The following SAC3D1 variants were observed in gnomAD, a reference collection of about 807,000 sequenced individuals.
SAC3D1 encodes SAC3 domain-containing protein 1.
Under a neutral mutation model 12.7 loss-of-function variants are expected in SAC3D1, and 10 were observed. The ratio of observed to expected loss-of-function variants is 0.79; its 90% confidence interval spans 0.49 to 1.34. SAC3D1 has a LOEUF of 1.34. Among genes scored for constraint, SAC3D1 ranks in the 40% most tolerant of loss-of-function variants. The probability of loss-of-function intolerance (pLI) is 0.00; values close to 1 mark genes in which losing one functional copy is unlikely to be tolerated. For synonymous variants in SAC3D1, 241 were observed against 250.8 expected, an observed-to-expected ratio of 0.96 and a Z score of 0.37; for missense variants, 482 against 531.1, an observed-to-expected ratio of 0.91 and a Z score of 0.91.
In SAC3D1 at chr11:65,044,671, G is replaced by C; in HGVS notation, c.1021G>C (p.Val341Leu). The change falls in exon 2 of 2, where the codon GTG becomes CTG. Residue 341 changes from valine to leucine, a missense_variant. Transcript: ENST00000652489. This position sits in a 1 kb window ranked among gnomAD's most constrained non-coding sequence, Gnocchi z 4.0. Reference sequence around the variant, plus strand: ...ACTTCGAGGACGTACCCTGGAGGAGGTGGTCATGGCAGAGGAGGAAGATGA... The same window carrying C: ...ACTTCGAGGACGTACCCTGGAGGAGCTGGTCATGGCAGAGGAGGAAGATGA... Reference protein sequence around the residue: ...SKLRGRTLEEVVMAEEEDEGT... With the variant: ...SKLRGRTLEELVMAEEEDEGT... The C allele has an allele frequency of 6.2e-7, 1 of 1,613,754 alleles. No individual in the cohort carries two copies. Among genetic ancestry groups the C allele is most frequent in the Non-Finnish European group, 8.5e-7 (1 of 1,180,028 alleles).
chr11:65,042,056 G>T, intron 1 of SAC3D1, 190 bp downstream of exon 1: 1 of 723,288 alleles, frequency 1.4e-6, no homozygotes, highest in Non-Finnish European at 1.9e-6. Flanking sequence ...AGGAATAAAA[G>T]TGGAGGGGGC....
chr11:65,041,075 T>C, upstream of SAC3D1: 1 of 593,000 alleles, frequency 1.7e-6, no homozygotes, highest in Non-Finnish European at 2.9e-6. Context: ...TACAACGCAG[T>C]GCATCTCGGG....
At chr11:65,041,046 C>T (rs1565206120), upstream of SAC3D1, 1 of 558,666 alleles carries the variant, frequency 1.8e-6, no homozygotes, top group Admixed American at 4.1e-5. Context: ...CGCGCGGAGC[C>T]GCAGAGGCGT....
chr11:65,041,879 C>A lies in SAC3D1; in HGVS notation c.574+13C>A. ...CTCTATAACCTGGGTGAGTCGGGAT[C>A]CTGGCGGCTGGGCAGAGCGTGGGGA... is the stretch of plus-strand genomic sequence containing the variant. On this transcript the variant is annotated intron_variant, in intron 1 of 1. Transcript: ENST00000652489. The A allele has an allele frequency of 7.0e-7, 1 of 1,425,714 alleles. No individual in the cohort carries two copies. Among genetic ancestry groups the A allele is most frequent in the Admixed American group, 3.1e-5 (1 of 31,848 alleles). The allele number at this position is 1,425,714 out of a possible 1,614,324, so 88.3% of individuals were successfully genotyped here. A position where few individuals can be genotyped will look rare whatever the true frequency, so the allele number is the denominator to read the frequency against.
At chr11:65,042,043 C>A (rs1946616168) in intron 1 of SAC3D1, 177 bp downstream of exon 1, 6 of 836,316 alleles carry the variant, frequency 7.2e-6, no homozygotes, top group Non-Finnish European at 8.0e-6. Flanking sequence ...TCTTAGTTGT[C>A]TCAGGAATAA....
At position 65,041,619 on chromosome 11, in the gene SAC3D1, C is replaced by G. The variant is rs1231358496; in HGVS notation, c.327C>G (p.Leu109=). ...SFVADRLRAV[L]LDLALQGAGD... The stretch of plus-strand genomic sequence containing the variant: ...TGGCAGACCGCTTGCGAGCTGTGCT[C>G]CTGGACCTGGCGCTGCAGGGAGCGG... Residue 109 remains leucine, a synonymous_variant, in exon 1 of 2, where the codon CTC becomes CTG. Transcript: ENST00000652489. 6.8e-7 allele frequency: 1 copy of G among 1,461,350 alleles called. No homozygotes were observed. Among genetic ancestry groups the G allele is most frequent in the African/African-American group, 1.5e-5 (1 of 67,986 alleles). 90.5% of individuals were successfully genotyped at this position (1,461,350 alleles called of 1,614,324 possible). A position where few individuals can be genotyped will look rare whatever the true frequency, so the allele number is the denominator to read the frequency against.
intron 1 of SAC3D1, among the ~76,000 whole-genome samples, chr11:65,042,872 C>G (rs2136953998): frequency 6.6e-6 from 1 of 151,306 alleles, no homozygotes; most frequent in East Asian, 2.0e-4. Flanking sequence ...GGGTCTCACT[C>G]TTGCCCAGGC....
intron 1 of SAC3D1, among the ~76,000 whole-genome samples, chr11:65,043,999 T>C (rs1396727317): frequency 1.3e-5 from 2 of 152,176 alleles, no homozygotes; most frequent in Non-Finnish European, 2.9e-5. Flanking sequence ...ACTTCAGTGT[T>C]GTAAGTAAGG....
intron 1 of SAC3D1, among the ~76,000 whole-genome samples, chr11:65,042,109 CTT>C (rs5792346): frequency 0.34 from 51,003 of 149,184 alleles, 9,313 homozygotes; most frequent in East Asian, 0.76. Context: ...GATTTTCAAA[CTT>C]TTTTTTTTTT....
In SAC3D1 at chr11:65,044,544, G is replaced by T. The variant is rs1946676355; in HGVS notation, c.894G>T (p.Gly298=). The T allele has an allele frequency of 1.2e-6, 2 of 1,614,186 alleles. No individual in the cohort carries two copies. Among genetic ancestry groups the T allele is most frequent in the Non-Finnish European group, 1.7e-6 (2 of 1,180,034 alleles). The change falls in exon 2 of 2, where the codon GGG becomes GGT. Residue 298 remains glycine (G), a synonymous_variant. Transcript: ENST00000652489. This position sits in a 1 kb window ranked among gnomAD's most constrained non-coding sequence, Gnocchi z 4.0. ...CACGGGACCTGTGCCAGGCCCACGG[G>T]CTGCCCTTGGACGGAGAGGAGAGAG... The part of the protein sequence containing the change: ...REARDLCQAH[G]LPLDGEERVV...
At position 65,044,770 on chromosome 11, in the gene SAC3D1, G is replaced by GC. The variant is rs776895233; in HGVS notation, c.*44dup. ...CCCAGAGCCCCAGGACTGGGCCAGAGCACTTAGGTTTCTTTTTCCATGGTT... is the reference window on the plus strand; with the variant it reads ...CCCAGAGCCCCAGGACTGGGCCAGAGCCACTTAGGTTTCTTTTTCCATGGTT... On this transcript the variant is annotated 3_prime_UTR_variant, in exon 2 of 2. Transcript: ENST00000652489. This position sits in a 1 kb window ranked among gnomAD's most constrained non-coding sequence, Gnocchi z 4.0. 35 of 1,566,730 alleles carry GC rather than the reference G, an allele frequency of 2.2e-5. No individual in the cohort carries two copies. The East Asian group carries it at 7.7e-4, about 34-fold the overall frequency.
intron 1 of SAC3D1, chr11:65,043,032 A>G (rs1373475471): frequency 1.8e-5 from 8 of 446,166 alleles, no homozygotes; most frequent in African/African-American, 2.0e-5. Context: ...TAGAGATGGG[A>G]TCTCGCATGT....
chr11:65,044,562 GGA>G lies in SAC3D1; in HGVS notation c.918_919del (p.Arg306SerfsTer43). On this transcript the variant is annotated frameshift_variant, in exon 2 of 2. Transcript: ENST00000652489. LOFTEE classifies it low-confidence loss of function (END_TRUNC). This position sits in a 1 kb window ranked among gnomAD's most constrained non-coding sequence, Gnocchi z 4.0. ...CCCACGGGCTGCCCTTGGACGGAGAGGAGAGAGTTGTGTTCCTGAGGGGTCGC... is the reference window on the plus strand; with the variant it reads ...CCCACGGGCTGCCCTTGGACGGAGAGGAGAGTTGTGTTCCTGAGGGGTCGC... Reference protein sequence around the residue: ...QAHGLPLDGEERVVFLRGRYV... With the variant: ...QAHGLPLDGEXRVVFLRGRYV... The G allele has an allele frequency of 6.2e-7, 1 of 1,614,192 alleles. No homozygotes were observed. Among genetic ancestry groups the G allele is most frequent in the South Asian group, 1.1e-5 (1 of 91,090 alleles).
Position 65,044,389 on chromosome 11 carries a change from C to G in SAC3D1, c.739C>G (p.Gln247Glu). The change falls in exon 2 of 2, where the codon CAG (glutamine) becomes GAG (glutamate). Residue 247 changes from glutamine (Q) to glutamate (E), a missense_variant. Around this residue, in one of 3 missense-constraint regions of SAC3D1, gnomAD observed 225 missense variants for 241.1 expected, o/e 0.93. Coordinates refer to ENST00000652489, the MANE Select transcript of SAC3D1 (RefSeq NM_013299.4). The surrounding 1 kb of genome is among the most constrained non-coding windows in gnomAD (Gnocchi z 4.0). ...TLPYLPSCAV[Q>E]CHVGHARREA... Reference sequence around the variant, plus strand: ...GCCCTACCTGCCAAGTTGCGCTGTGCAGTGCCATGTGGGCCATGCCCGCCG... The same window carrying G: ...GCCCTACCTGCCAAGTTGCGCTGTGGAGTGCCATGTGGGCCATGCCCGCCG... 6.2e-7 allele frequency: 1 copy of G among 1,613,654 alleles called. No individual in the cohort carries two copies. The highest frequency in any genetic ancestry group is 1.1e-5 in the South Asian group (1 of 91,082).
chr11:65,044,449 A>ACCC lies in SAC3D1; in HGVS notation c.802_804dup (p.Pro268dup). On this transcript the variant is annotated inframe_insertion, in exon 2 of 2. Coordinates refer to ENST00000652489, the MANE Select transcript of SAC3D1 (RefSeq NM_013299.4). This position sits in a 1 kb window ranked among gnomAD's most constrained non-coding sequence, Gnocchi z 4.0. ...GGCCCGCTTCGCTCGTGCCTTTAGCACCCCCAAGGGCCAGACCTTGCCTCT... is the reference window on the plus strand; with the variant it reads ...GGCCCGCTTCGCTCGTGCCTTTAGCACCCCCCCCAAGGGCCAGACCTTGCCTCT... 6.2e-7 allele frequency: 1 copy of ACCC among 1,613,436 alleles called. No homozygotes were observed. The highest frequency in any genetic ancestry group is 2.2e-5 in the East Asian group (1 of 44,854).
At chr11:65,042,426 G>T (rs575291544) in intron 1 of SAC3D1, among the ~76,000 whole-genome samples, 10 of 151,438 alleles carry the variant, frequency 6.6e-5, no homozygotes, top group Non-Finnish European at 1.2e-4. Context: ...TCCCCGCCCA[G>T]TCAGGGTTAC....
intron 1 of SAC3D1, chr11:65,042,875 G>C (rs919639932): frequency 3.9e-6 from 1 of 259,138 alleles, no homozygotes; most frequent in African/African-American, 2.4e-5. Flanking sequence ...TCTCACTCTT[G>C]CCCAGGCTGG....
intron 1 of SAC3D1, chr11:65,042,988 A>G: frequency 2.5e-6 from 1 of 405,270 alleles, no homozygotes; most frequent in Non-Finnish European, 5.0e-6. Flanking sequence ...GATGTATGCA[A>G]TCACACCCGG....
In SAC3D1 at chr11:65,044,651, G is replaced by T. The variant is rs770834599; in HGVS notation, c.1001G>T (p.Arg334Leu). Residue 334 changes from arginine (R) to leucine (L), a missense_variant, in exon 2 of 2, where the codon CGA (arginine) becomes CTA (leucine). Physicochemically the swap from Arg to Leu is moderately radical, Grantham distance 102. Around this residue, in one of 3 missense-constraint regions of SAC3D1, gnomAD observed 225 missense variants for 241.1 expected, o/e 0.93. Transcript: ENST00000652489. This position sits in a 1 kb window ranked among gnomAD's most constrained non-coding sequence, Gnocchi z 4.0. ...TCKVLVESKLRGRTLEEVVMA... is the reference protein window; with the variant it reads ...TCKVLVESKLLGRTLEEVVMA... ...AAGGTGTTAGTGGAGAGCAAACTTC[G>T]AGGACGTACCCTGGAGGAGGTGGTC... 1 of 1,613,796 alleles carries T rather than the reference G, an allele frequency of 6.2e-7. No homozygotes were observed. The highest frequency in any genetic ancestry group is 1.1e-5 in the South Asian group (1 of 91,092).
Sources: allele counts gnomAD v4.1 joint callset (sites outside exome capture counted in the v4.1 genomes callset), GRCh38; gene constraint gnomAD v4.1.1; regional missense constraint gnomAD v4.1.1; non-coding constraint Gnocchi (gnomAD v3.1); transcripts MANE v1.5; gene names NCBI Gene and HGNC (gene_info 2026-07-23, HGNC 2026-07-21).